Variants in KCNQ5 observed in about 807,000 individuals in gnomAD.
KCNQ5 encodes potassium voltage-gated channel subfamily KQT member 5.
A neutral mutation model predicts 98.2 loss-of-function variants in KCNQ5; 30 were observed. The observed-to-expected ratio is 0.31, with a 90% CI of 0.23 to 0.41. The LOEUF (loss-of-function observed/expected upper bound fraction) is 0.41, where lower values mean the gene tolerates loss of function less well. Among genes scored for constraint, KCNQ5 ranks in the 10% least tolerant of loss-of-function variants. KCNQ5 has a pLI of 1.00. For synonymous variants in KCNQ5, 458 were observed against 449.4 expected (o/e 1.02, Z -0.24); for missense variants, 835 against 1,182.5 (o/e 0.71, Z 4.31).
chr6:72,783,218 A>C (rs1421856468), intron 1 of KCNQ5, among the ~76,000 whole-genome samples: 7 of 152,296 alleles, frequency 4.6e-5, no homozygotes, highest in Admixed American at 3.9e-4. Context: ...ATGTAAGCTG[A>C]ACACTCTCAA....
intron 1 of KCNQ5, among the ~76,000 whole-genome samples, chr6:72,996,125 T>C (rs1196247398): frequency 6.6e-6 from 1 of 152,196 alleles, no homozygotes; most frequent in Non-Finnish European, 1.5e-5. Context: ...TGTCTGTAAA[T>C]ATTTGTGATT....
intron 3 of KCNQ5, among the ~76,000 whole-genome samples, chr6:73,043,517 C>CT (rs969480424): frequency 3.3e-5 from 5 of 152,130 alleles, no homozygotes; most frequent in Admixed American, 3.3e-4. Context: ...CCTGGAGATG[C>CT]TTTTTTCTCT....
intron 1 of KCNQ5, among the ~76,000 whole-genome samples, chr6:72,813,094 G>T (rs1359146168): frequency 1.3e-5 from 2 of 152,042 alleles, no homozygotes; most frequent in Non-Finnish European, 2.9e-5. Flanking sequence ...ACCTAGAAAT[G>T]CTGTTTATTC....
At chr6:73,096,334 G>C (rs1010330879) in intron 5 of KCNQ5, among the ~76,000 whole-genome samples, 2 of 37,350 alleles carry the variant, frequency 5.4e-5, no homozygotes, top group African/African-American at 4.2e-4. Flanking sequence ...AAGGTCCTTA[G>C]GCAAAAAAAA....
intron 1 of KCNQ5, among the ~76,000 whole-genome samples, chr6:72,788,878 C>T (rs1357759128): frequency 1.3e-5 from 2 of 152,110 alleles, no homozygotes; most frequent in African/African-American, 4.8e-5. Context: ...AAAACATAGG[C>T]CATCCTAAAA....
intron 1 of KCNQ5, among the ~76,000 whole-genome samples, chr6:72,651,904 A>G (rs896246834): frequency 6.6e-6 from 1 of 152,088 alleles, no homozygotes; most frequent in African/African-American, 2.4e-5. Flanking sequence ...ACACTTTTAA[A>G]ACTTATACTC....
intron 1 of KCNQ5, among the ~76,000 whole-genome samples, chr6:72,917,547 A>C (rs1005925011): frequency 6.6e-6 from 1 of 151,696 alleles, no homozygotes; most frequent in South Asian, 2.1e-4. Flanking sequence ...ATCTCGGCTC[A>C]CTGCAACCTC....
intron 1 of KCNQ5, among the ~76,000 whole-genome samples, chr6:72,823,925 G>A (rs1477459322): frequency 6.6e-6 from 1 of 152,090 alleles, no homozygotes; most frequent in Non-Finnish European, 1.5e-5. Context: ...CTACATTTGT[G>A]TAAGATTACC....
At chr6:72,904,548 G>A (rs1199205857) in intron 1 of KCNQ5, among the ~76,000 whole-genome samples, 2 of 152,180 alleles carry the variant, frequency 1.3e-5, no homozygotes, top group Non-Finnish European at 2.9e-5. Context: ...AGCAGTTCTT[G>A]TAGTGGTGGC....
At chr6:73,063,310 T>C (rs1261945517) in intron 3 of KCNQ5, among the ~76,000 whole-genome samples, 3 of 152,192 alleles carry the variant, frequency 2.0e-5, no homozygotes, top group Non-Finnish European at 2.9e-5. Context: ...TAGGATTTGT[T>C]ATAAGACAAT....
chr6:72,815,682 A>T (rs1044001189), intron 1 of KCNQ5, among the ~76,000 whole-genome samples: 5 of 152,232 alleles, frequency 3.3e-5, no homozygotes, highest in African/African-American at 1.2e-4. Context: ...TCAGGAAGTC[A>T]CATCATTAAA....
At chr6:72,770,552 A>G (rs994591031) in intron 1 of KCNQ5, among the ~76,000 whole-genome samples, 1 of 152,188 alleles carries the variant, frequency 6.6e-6, no homozygotes, top group South Asian at 2.1e-4. Flanking sequence ...GATGACCTGA[A>G]TCACACATTT....
intron 9 of KCNQ5, chr6:73,129,910 G>C (rs1582412049): frequency 2.2e-6 from 3 of 1,385,138 alleles, no homozygotes; most frequent in South Asian, 1.2e-5. Flanking sequence ...TCAGGTGCAT[G>C]ACCAGGTTAC....
intron 5 of KCNQ5, among the ~76,000 whole-genome samples, chr6:73,097,040 G>GA (rs748738262): frequency 1.2e-4 from 18 of 145,202 alleles, no homozygotes; most frequent in South Asian, 4.3e-4. Flanking sequence ...CTCAGTCTCA[G>GA]AAAAAAAAAA....
Position 72,941,368 on chromosome 6 carries a change from C to T in KCNQ5, c.399-62540C>T, listed in dbSNP as rs1025912524. 8.1e-5 allele frequency among the ~76,000 whole-genome samples: 3 copies of T among 37,254 alleles called. No homozygotes were observed. The Admixed American group carries it at 1.7e-3, about 21-fold the overall frequency. The allele number at this position is 37,254 out of a possible 152,430, so 24.4% of individuals were successfully genotyped here. A position where few individuals can be genotyped will look rare whatever the true frequency, so the allele number is the denominator to read the frequency against. On this transcript the variant is annotated intron_variant, in intron 1 of 13. Transcript: ENST00000370398. ...TTCTTCCTTCCTTCTTTTCTTCCTT[C>T]CTTCTTTCCTCCTTCCTTCCTTCCT...
chr6:72,663,148 G>A (rs757594354), intron 1 of KCNQ5, among the ~76,000 whole-genome samples: 2 of 152,074 alleles, frequency 1.3e-5, no homozygotes, highest in Non-Finnish European at 2.9e-5. Flanking sequence ...GGGGTTGGGG[G>A]CTAGGGAAGG....
At chr6:72,928,032 T>C (rs1348022160) in intron 1 of KCNQ5, among the ~76,000 whole-genome samples, 2 of 151,968 alleles carry the variant, frequency 1.3e-5, no homozygotes, top group Non-Finnish European at 2.9e-5. Flanking sequence ...AATAGAAAAA[T>C]TACATGCTAA....
At chr6:73,156,067 T>C (rs1291225079) in intron 10 of KCNQ5, among the ~76,000 whole-genome samples, 1 of 152,188 alleles carries the variant, frequency 6.6e-6, no homozygotes, top group African/African-American at 2.4e-5. Flanking sequence ...ATTAAAGGAA[T>C]TGTCTTTGGA....
intron 1 of KCNQ5, among the ~76,000 whole-genome samples, chr6:72,674,158 A>G (rs1036575392): frequency 6.6e-6 from 1 of 152,124 alleles, no homozygotes; most frequent in Non-Finnish European, 1.5e-5. Flanking sequence ...GGAGAAGAAA[A>G]TATCTATCTG....
Sources: gnomAD v4.1 joint callset for allele counts (sites outside exome capture counted in the v4.1 genomes callset) on GRCh38, gnomAD v4.1.1 for gene constraint, MANE v1.5 for transcripts, NCBI Gene and HGNC (gene_info 2026-07-23, HGNC 2026-07-21) for gene names.